Variants in ACTR3B observed in about 807,000 individuals in gnomAD.
ACTR3B encodes the protein actin-related protein 3B.
ACTR3B carries 8 observed loss-of-function variants against 59.0 expected under a neutral mutation model. The ratio of observed to expected loss-of-function variants is 0.14; its 90% CI spans 0.08 to 0.24. ACTR3B has a LOEUF of 0.24. Among genes scored for constraint, ACTR3B ranks in the 10% least tolerant of loss-of-function variants. The pLI is 1.00. For synonymous variants in ACTR3B, 148 were observed against 197.9 expected (o/e 0.75, Z 2.12); for missense variants, 245 against 552.3 (o/e 0.44, Z 5.58).
Position 152,829,757 on chromosome 7 carries a change from T to C in ACTR3B, c.951+4635T>C, listed in dbSNP as rs879052036. Among the ~76,000 whole-genome samples, 125 of 152,234 alleles carry C rather than the reference T, an allele frequency of 8.2e-4. 1 individual carries two copies. Among genetic ancestry groups the C allele is most frequent in the South Asian group, 2.1e-4 (1 of 4,820 alleles). On this transcript the variant is annotated intron_variant, in intron 9 of 11. Coordinates refer to ENST00000256001, the MANE Select transcript of ACTR3B (RefSeq NM_020445.6). Reference sequence around the variant, plus strand: ...CAGGTGACTCTAATGTGCTTCTAACTTGAGGACCGCCATCAGCGCCAGCCC... The same window carrying C: ...CAGGTGACTCTAATGTGCTTCTAACCTGAGGACCGCCATCAGCGCCAGCCC...
chr7:152,778,756 A>G (rs1590221930), intron 1 of ACTR3B, among the ~76,000 whole-genome samples: 1 of 151,510 alleles, frequency 6.6e-6, no homozygotes. Context: ...TCTGGGCAAC[A>G]TAGGAAGACC....
chr7:152,803,161 T>G (rs1473353308), intron 4 of ACTR3B, among the ~76,000 whole-genome samples: 9 of 152,336 alleles, frequency 5.9e-5, no homozygotes, highest in Non-Finnish European at 1.3e-4. Flanking sequence ...TCCTCCCACC[T>G]CAACCACCTG....
chr7:152,760,830 C>A (rs906603448), intron 1 of ACTR3B, among the ~76,000 whole-genome samples: 4 of 152,100 alleles, frequency 2.6e-5, no homozygotes, highest in African/African-American at 9.7e-5. Context: ...TTTGGGAATA[C>A]AAGCTTGCCT....
chr7:152,779,458 A>G (rs564354773), intron 1 of ACTR3B, among the ~76,000 whole-genome samples: 1 of 152,308 alleles, frequency 6.6e-6, no homozygotes, highest in South Asian at 2.1e-4. Flanking sequence ...GACCTGGGCC[A>G]TGTCCACCCG....
intron 9 of ACTR3B, among the ~76,000 whole-genome samples, chr7:152,836,347 C>T: frequency 6.6e-6 from 1 of 151,840 alleles, no homozygotes; most frequent in Non-Finnish European, 1.5e-5. Context: ...TCTGTAATCC[C>T]ATCACTTCGG....
At chr7:152,813,278 G>A (rs1795417585) in intron 4 of ACTR3B, 1 of 132,668 alleles carries the variant, frequency 7.5e-6, no homozygotes, top group Non-Finnish European at 1.6e-5. Flanking sequence ...TTGCCCAAAG[G>A]TCCAGAGACT....
intron 1 of ACTR3B, among the ~76,000 whole-genome samples, chr7:152,764,244 T>G (rs1219102544): frequency 2.0e-5 from 3 of 152,030 alleles, no homozygotes; most frequent in Admixed American, 6.5e-5. Flanking sequence ...TAACCTCAGG[T>G]GATCTGCCCA....
chr7:152,760,989 A>G (rs1401030661), intron 1 of ACTR3B, among the ~76,000 whole-genome samples: 1 of 152,162 alleles, frequency 6.6e-6, no homozygotes, highest in Non-Finnish European at 1.5e-5. Context: ...TCTATAGAAA[A>G]ATGCACTTGG....
At chr7:152,818,211 T>A (rs918367409) in intron 6 of ACTR3B, among the ~76,000 whole-genome samples, 1 of 152,196 alleles carries the variant, frequency 6.6e-6, no homozygotes, top group Admixed American at 6.5e-5. Flanking sequence ...TCTTTGCCTA[T>A]TTCTTATGTC....
chr7:152,854,998 C>T lies in ACTR3B; in HGVS notation c.*445C>T, dbSNP rs1799147000. ...GAAATACAAATCGATGTTTATATTT[C>T]CTATCATTTTGTATTTTATGGTATT... On this transcript the variant is annotated 3_prime_UTR_variant, in exon 12 of 12. Coordinates refer to ENST00000256001, the MANE Select transcript of ACTR3B (RefSeq NM_020445.6). This position sits in a 1 kb window ranked among gnomAD's most constrained non-coding sequence, Gnocchi z 4.9. 1 of 160,764 alleles carries T rather than the reference C, an allele frequency of 6.2e-6. No individual in the cohort carries two copies. Among genetic ancestry groups the T allele is most frequent in the Admixed American group, 6.2e-5 (1 of 16,186 alleles). 10.0% of individuals were successfully genotyped at this position (160,764 alleles called of 1,614,324 possible).
At chr7:152,792,985 G>T (rs1425208437) in intron 2 of ACTR3B, among the ~76,000 whole-genome samples, 2 of 144,708 alleles carry the variant, frequency 1.4e-5, no homozygotes, top group African/African-American at 5.1e-5. Flanking sequence ...GTGTGTATGT[G>T]TCAAGATTTC....
chr7:152,789,997 C>CTTTTTT lies in ACTR3B; in HGVS notation c.100+6772_100+6777dup, dbSNP rs756068314. Among the ~76,000 whole-genome samples the CTTTTTT allele has an allele frequency of 4.5e-3, 461 of 102,062 alleles. 1 individual carries two copies. The highest frequency in any genetic ancestry group is 6.3e-3 in the East Asian group (23 of 3,640). 67.0% of individuals were successfully genotyped at this position (102,062 alleles called of 152,430 possible). ...ATGGTTTTGGACATTTGTACTCTTT[C>CTTTTTT]TTTTTTTTTTTTTTTTTTTTTTGAG... On this transcript the variant is annotated intron_variant, in intron 2 of 11. Transcript: ENST00000256001.
chr7:152,828,748 A>G (rs1341460923), intron 9 of ACTR3B, among the ~76,000 whole-genome samples: 1 of 151,996 alleles, frequency 6.6e-6, no homozygotes, highest in Non-Finnish European at 1.5e-5. Context: ...CTCACTCTCC[A>G]GGAGTGATGG....
intron 2 of ACTR3B, among the ~76,000 whole-genome samples, chr7:152,789,997 C>CTTTTTTTTTTTTTTT (rs756068314): frequency 9.7e-6 from 1 of 102,842 alleles, no homozygotes; most frequent in Non-Finnish European, 1.8e-5. Flanking sequence ...TGTACTCTTT[C>CTTTTTTTTTTTTTTT]TTTTTTTTTT....
chr7:152,796,860 G>GTTTTTTTTTTTTT (rs779909545), intron 2 of ACTR3B, among the ~76,000 whole-genome samples: 1 of 54,736 alleles, frequency 1.8e-5, no homozygotes, highest in African/African-American at 6.9e-5. Context: ...TAGTTTTTGT[G>GTTTTTTTTTTTTT]TTTTTTTTTT....
At chr7:152,826,935 C>T (rs527311735) in intron 9 of ACTR3B, among the ~76,000 whole-genome samples, 54 of 151,926 alleles carry the variant, frequency 3.6e-4, no homozygotes, top group African/African-American at 1.3e-3. Flanking sequence ...GCCCGTTTCC[C>T]GCATCTTTGA....
intron 1 of ACTR3B, among the ~76,000 whole-genome samples, chr7:152,775,145 T>G (rs1275207607): frequency 7.3e-6 from 1 of 137,312 alleles, no homozygotes; most frequent in African/African-American, 2.9e-5. Flanking sequence ...GAGCTATGAT[T>G]GCACCACTGC....
chr7:152,828,926 C>T (rs546521830), intron 9 of ACTR3B, among the ~76,000 whole-genome samples: 5 of 152,154 alleles, frequency 3.3e-5, no homozygotes, highest in East Asian at 1.9e-4. Context: ...TTGAGGTGCT[C>T]GTCTGGGCCA....
At chr7:152,780,500 A>T (rs1353165930) in intron 1 of ACTR3B, among the ~76,000 whole-genome samples, 1 of 151,836 alleles carries the variant, frequency 6.6e-6, no homozygotes, top group African/African-American at 2.4e-5. Context: ...GAATGTTGTG[A>T]CTTAAGAATC....
Sources: gnomAD v4.1 joint callset for allele counts (sites outside exome capture counted in the v4.1 genomes callset) on GRCh38, gnomAD v4.1.1 for gene constraint, Gnocchi (gnomAD v3.1) non-coding constraint, MANE v1.5 for transcripts, NCBI Gene and HGNC (gene_info 2026-07-23, HGNC 2026-07-21) for gene names.